The following RTEL1 variants were observed in gnomAD, a reference collection of about 807,000 sequenced individuals.
The protein encoded by RTEL1 is regulator of telomere elongation helicase 1.
In RTEL1, 86 loss-of-function variants were observed where a neutral mutation model predicts 162.2. That is an observed-to-expected ratio of 0.53 (90% CI 0.45 to 0.63). RTEL1 has a LOEUF of 0.63. Among genes scored for constraint, RTEL1 ranks in the 30% least tolerant of loss-of-function variants. RTEL1 has a pLI of 0.00. For synonymous variants in RTEL1, 958 were observed against 717.9 expected (o/e 1.33, Z -5.35); for missense variants, 1,941 against 1,750.2 (o/e 1.11, Z -1.95).
At chr20:63,670,436 C>T (rs1211199003) in intron 8 of RTEL1, among the ~76,000 whole-genome samples, 1 of 150,646 alleles carries the variant, frequency 6.6e-6, no homozygotes, top group Non-Finnish European at 1.5e-5. Flanking sequence ...TCCGGACAGA[C>T]GTTTCACCAA....
In RTEL1 at chr20:63,692,940, G is replaced by A. The variant is rs371721039; in HGVS notation, c.2788G>A (p.Ala930Thr). Residue 930 changes from alanine (A) to threonine (T), a missense_variant, in exon 29 of 35, where the codon GCC becomes ACC. Coordinates refer to ENST00000360203, the MANE Select transcript of RTEL1 (RefSeq NM_001283009.2). ...QDYKGSDDFA[A>T]LAACLGPLFA... ...CTACAAGGGTTCCGATGACTTCGCC[G>A]CCCTGGCCGCCTGTCTCGGCCCCCT... 8 of 1,612,596 alleles carry A rather than the reference G, an allele frequency of 5.0e-6. No homozygotes were observed. The highest frequency in any genetic ancestry group is 2.7e-5 in the African/African-American group (2 of 75,044).
chr20:63,687,810 C>A (rs1309935919), intron 17 of RTEL1, 40 bp downstream of exon 17: 1 of 1,552,254 alleles, frequency 6.4e-7, no homozygotes. Context: ...ACCGGTGACA[C>A]CTCTGACATC....
At position 63,694,507 on chromosome 20, in the gene RTEL1, G is replaced by T. The variant is rs369417111; in HGVS notation, c.3109+19G>T. 2 of 1,556,902 alleles carry T rather than the reference G, an allele frequency of 1.3e-6. No homozygotes were observed. The highest frequency in any genetic ancestry group is 1.7e-5 in the Admixed American group (1 of 57,834). On this transcript the variant is annotated intron_variant, in intron 31 of 34. Coordinates refer to ENST00000360203, the MANE Select transcript of RTEL1 (RefSeq NM_001283009.2). ...CCAACAGGTAGCTGACTCCTGAACC[G>T]TGTGCAGCCTACGACTTGGTGGGTC...
At chr20:63,685,224 G>T (rs920451897) in intron 14 of RTEL1, among the ~76,000 whole-genome samples, 2 of 152,190 alleles carry the variant, frequency 1.3e-5, no homozygotes, top group African/African-American at 4.8e-5. Context: ...GCCCTCAGGG[G>T]CACAGAGAGG....
chr20:63,691,922 C>A, intron 28 of RTEL1, 85 bp downstream of exon 28: 1 of 1,044,634 alleles, frequency 9.6e-7, no homozygotes, highest in Non-Finnish European at 1.4e-6. Context: ...CACGGCTGGT[C>A]CCGATGGGAC....
intron 12 of RTEL1, 92 bp from the exon 13 acceptor site, chr20:63,679,757 C>T (rs1290446709): frequency 2.0e-5 from 19 of 966,496 alleles, no homozygotes; most frequent in Admixed American, 1.6e-4. Context: ...GTCGTCCCCC[C>T]TCAGGCCCGA....
intron 26 of RTEL1, 54 bp downstream of exon 26, chr20:63,690,495 T>TGGGGGGGGGGGGGGTGGGGGGGGGGG: frequency 1.7e-6 from 1 of 594,924 alleles, no homozygotes; most frequent in Non-Finnish European, 2.7e-6. Context: ...GCGGGCGGCG[T>TGGGGGGGGGGGGGGTGGGGGGGGGGG]GGGGCGGGCA....
At chr20:63,671,592 C>G (rs1176922997) in intron 8 of RTEL1, among the ~76,000 whole-genome samples, 1 of 151,942 alleles carries the variant, frequency 6.6e-6, no homozygotes, top group Middle Eastern at 3.2e-3. Context: ...CGCCATTCTC[C>G]TGCCTCAGCC....
In RTEL1 at chr20:63,678,190, G is replaced by A. The variant is rs781286855; in HGVS notation, c.958+7G>A. ...GACATTGCAAAGCTGAAGAGTAAGT[G>A]TTGCCCTCCCCGCCTCCTTGCAGCT... On this transcript the variant is annotated splice_region_variant and intron_variant, in intron 11 of 34. Transcript: ENST00000360203. The A allele has an allele frequency of 6.2e-7, 1 of 1,614,136 alleles. No individual in the cohort carries two copies. The highest frequency in any genetic ancestry group is 1.1e-5 in the South Asian group (1 of 91,082).
At position 63,661,159 on chromosome 20, in the gene RTEL1, A is replaced by T. The variant is rs1244447894; in HGVS notation, c.103-139A>T. ...TGCCTGTGGACTTCTCCGCGGTCCC[A>T]CAGGGCTCTCGCCACCTGGCAGTGG... On this transcript the variant is annotated intron_variant, in intron 2 of 34. Transcript: ENST00000360203. This position sits in a 1 kb window ranked among gnomAD's most constrained non-coding sequence, Gnocchi z 5.1. 4 of 750,114 alleles carry T rather than the reference A, an allele frequency of 5.3e-6. No homozygotes were observed. The highest frequency in any genetic ancestry group is 8.6e-6 in the Non-Finnish European group (4 of 464,462). The allele number at this position is 750,114 out of a possible 1,614,324, so 46.5% of individuals were successfully genotyped here.
chr20:63,688,709 G>GGCTCCGGCC, intron 21 of RTEL1, 104 bp downstream of exon 21: 2 of 1,029,234 alleles, frequency 1.9e-6, no homozygotes, highest in Non-Finnish European at 2.8e-6. Context: ...GGGCTCCGGC[G>GGCTCCGGCC]GCTCCCGCTG....
chr20:63,694,195 C>G, intron 30 of RTEL1, 177 bp from the exon 31 acceptor site: 2 of 624,032 alleles, frequency 3.2e-6, no homozygotes, highest in Non-Finnish European at 5.8e-6. Context: ...CAGCCCCCAT[C>G]CAGCAGGCTG....
rs547956753 is a variant in RTEL1 at position 63,694,917 on chromosome 20, C to G, written c.3286C>G (p.Leu1096Val). 5.6e-6 allele frequency: 9 copies of G among 1,612,522 alleles called. No homozygotes were observed. The highest frequency in any genetic ancestry group is 1.3e-5 in the African/African-American group (1 of 74,932). ...GCAAGACGACGACCTCGACAAGGTG[C>G]TGGCTGTGTTGGCCGCCCTGACCAC... The part of the protein sequence containing the change: ...YKQDDDLDKV[L>V]AVLAALTTAK... Residue 1096 changes from leucine (L) to valine (V), a missense_variant, in exon 32 of 35, where the codon CTG becomes GTG. Coordinates refer to ENST00000360203, the MANE Select transcript of RTEL1 (RefSeq NM_001283009.2).
At chr20:63,670,816 CAAAAAAA>C (rs765965525) in intron 8 of RTEL1, among the ~76,000 whole-genome samples, 64 of 134,186 alleles carry the variant, frequency 4.8e-4, no homozygotes, top group African/African-American at 8.1e-4. Flanking sequence ...GACCCCATCT[CAAAAAAA>C]AAAAAAAAGA....
Position 63,693,072 on chromosome 20 carries a change from C to G in RTEL1, c.2851+69C>G, listed in dbSNP as rs139816191. On this transcript the variant is annotated intron_variant, in intron 29 of 34. Transcript: ENST00000360203. ...CCGCCGCGTGTGGGGTGGGGGCCAT[C>G]TGGGTCCAAGGTGGTCTCTGTTCTC... 1,580 of 1,609,772 alleles carry G rather than the reference C, an allele frequency of 9.8e-4. 40 individuals carry two copies. In the East Asian group the frequency reaches 0.033, roughly 34 times the overall value.
At chr20:63,665,929 T>G in intron 6 of RTEL1, 75 bp from the exon 7 acceptor site, 1 of 1,420,156 alleles carries the variant, frequency 7.0e-7, no homozygotes, top group Non-Finnish European at 9.9e-7. Flanking sequence ...AGCCGTTCTG[T>G]CCTGGGCATC....
Position 63,694,813 on chromosome 20 carries a change from GC to G in RTEL1, c.3183del (p.Ser1061ArgfsTer23). The G allele has an allele frequency of 6.2e-7, 1 of 1,612,500 alleles. No homozygotes were observed. Among genetic ancestry groups the G allele is most frequent in the Non-Finnish European group, 8.5e-7 (1 of 1,179,792 alleles). ...GGGAAGCAGGGCCAGCACGCCGTGAGCGCCTACCTGGCTGATGCCCGCAGGG... is the reference window on the plus strand; with the variant it reads ...GGGAAGCAGGGCCAGCACGCCGTGAGGCCTACCTGGCTGATGCCCGCAGGG... ...RAGKQGQHAV[S>X]AYLADARRAL... is the part of the protein sequence containing the mutation. On this transcript the variant is annotated frameshift_variant, in exon 32 of 35. Transcript: ENST00000360203. LOFTEE classifies it high-confidence loss of function.
intron 22 of RTEL1, 102 bp downstream of exon 22, chr20:63,689,234 C>T: frequency 8.4e-7 from 1 of 1,185,356 alleles, no homozygotes; most frequent in Non-Finnish European, 1.2e-6. Flanking sequence ...GCCCGGTCCC[C>T]TCCTTGGGTC....
At chr20:63,671,175 C>T (rs1231267760) in intron 8 of RTEL1, among the ~76,000 whole-genome samples, 1 of 152,156 alleles carries the variant, frequency 6.6e-6, no homozygotes, top group Non-Finnish European at 1.5e-5. Flanking sequence ...GTTCTCCTGC[C>T]TCAGCCTTCC....
Sources: gnomAD v4.1 joint callset for allele counts (sites outside exome capture counted in the v4.1 genomes callset) on GRCh38, gnomAD v4.1.1 for gene constraint, Gnocchi (gnomAD v3.1) non-coding constraint, MANE v1.5 for transcripts, NCBI Gene and HGNC (gene_info 2026-07-23, HGNC 2026-07-21) for gene names.